BNIP2: variants seen among roughly 807,000 people sequenced by gnomAD.
BNIP2 encodes the protein BCL2 interacting protein 2, also known as BCL2/adenovirus E1B 19 kDa protein-interacting protein 2.
BNIP2 carries 36 observed loss-of-function variants against 43.4 expected under a neutral mutation model. The observed-to-expected ratio is 0.83, with a 90% CI of 0.64 to 1.10. The LOEUF (loss-of-function observed/expected upper bound fraction) is 1.10, where lower values mean the gene tolerates loss of function less well. Ranked by LOEUF, BNIP2 falls within the 50% of genes least tolerant of loss-of-function variation. BNIP2 has a pLI of 0.00. For missense variants in BNIP2, 417 were observed against 374.1 expected (o/e 1.11, Z -0.95); for synonymous variants, 146 against 121.0 (o/e 1.21, Z -1.35).
Position 59,668,882 on chromosome 15 carries a change from C to T in BNIP2, c.893+10G>A. On this transcript the variant is annotated intron_variant, in intron 9 of 9. Coordinates refer to ENST00000607373, the MANE Select transcript of BNIP2 (RefSeq NM_004330.4). The stretch of plus-strand genomic sequence containing the variant: ...ATCCAATACAATTAAGGAAATAAAA[C>T]AAAACATACTGTTTTATGCATTCTG... The T allele has an allele frequency of 6.2e-7, 1 of 1,602,004 alleles. No individual in the cohort carries two copies. The highest frequency in any genetic ancestry group is 2.2e-5 in the East Asian group (1 of 44,706).
At position 59,664,939 on chromosome 15, in the gene BNIP2, TA is replaced by T. The variant is rs1892478235; in HGVS notation, c.894-820del. On this transcript the variant is annotated intron_variant, in intron 9 of 9. Transcript: ENST00000607373. ...ATTGGTACACAGTTTGTGAATGCCT[TA>T]AATTTGTTTTGACAGTAAGAAGCCT... Among the ~76,000 whole-genome samples, 4 of 152,326 alleles carry T rather than the reference TA, an allele frequency of 2.6e-5. No individual in the cohort carries two copies. In the South Asian group the frequency reaches 8.3e-4, roughly 32 times the overall value.
intron 6 of BNIP2, among the ~76,000 whole-genome samples, chr15:59,671,596 T>G (rs944818808): frequency 2.0e-5 from 3 of 152,340 alleles, no homozygotes; most frequent in Non-Finnish European, 2.9e-5. Flanking sequence ...TTGAAGTGAC[T>G]GATACATGAA....
rs3087328 is a variant in BNIP2 at position 59,689,316 on chromosome 15, A to G, written c.-239T>C. ...GTCGGCGGCAGCAGCTGACCCGGAC[A>G]CAGTGAGAAGCCCCGGCGGAAGTGA... is the stretch of plus-strand genomic sequence containing the variant. On this transcript the variant is annotated 5_prime_UTR_variant, in exon 1 of 10. Coordinates refer to ENST00000607373, the MANE Select transcript of BNIP2 (RefSeq NM_004330.4). The G allele has an allele frequency of 0.42, 650,003 of 1,547,904 alleles. 138,283 individuals are homozygous for G. The highest frequency in any genetic ancestry group is 0.56 in the East Asian group (22,985 of 40,792).
chr15:59,672,821 T>C (rs1893020025), intron 5 of BNIP2, 82 bp from the exon 6 acceptor site: 1 of 953,376 alleles, frequency 1.0e-6, no homozygotes, highest in Non-Finnish European at 1.6e-6. Flanking sequence ...GATTAGTAAA[T>C]TATAAATAAG....
intron 6 of BNIP2, among the ~76,000 whole-genome samples, chr15:59,671,893 T>A (rs532589659): frequency 1.3e-5 from 2 of 152,110 alleles, no homozygotes; most frequent in Admixed American, 1.3e-4. Flanking sequence ...CCTGGCAACA[T>A]AGTGAGACTC....
In BNIP2 at chr15:59,676,752, G is replaced by C. The variant is rs1362290698; in HGVS notation, c.472+1159C>G. 10 of 1,415,126 alleles carry C rather than the reference G, an allele frequency of 7.1e-6. No homozygotes were observed. The Admixed American group carries it at 1.8e-4, about 25-fold the overall frequency. The allele number at this position is 1,415,126 out of a possible 1,614,324, so 87.7% of individuals were successfully genotyped here. A position where few individuals can be genotyped will look rare whatever the true frequency, so the allele number is the denominator to read the frequency against. ...GTGCGGTGCGGGCGGCAGAGTTGGG[G>C]TGTCATGGAGGATGAGCGGAGCTTT... On this transcript the variant is annotated intron_variant, in intron 5 of 9. Coordinates refer to ENST00000607373, the MANE Select transcript of BNIP2 (RefSeq NM_004330.4).
At chr15:59,688,643 T>C in intron 1 of BNIP2, 1 of 1,435,022 alleles carries the variant, frequency 7.0e-7, no homozygotes, top group East Asian at 2.5e-5. Context: ...ACACACTCTG[T>C]ATTTGGTTTA....
rs1009601690 is a variant in BNIP2 at position 59,660,663 on chromosome 15, G to A, written c.*3406C>T. On this transcript the variant is annotated 3_prime_UTR_variant, in exon 10 of 10. Transcript: ENST00000607373. ...TTACCTTTTTAAATTCTGGAATTAC[G>A]GTTAAAAAAATTCTAGCTACAGATA... 1.3e-5 allele frequency: 2 copies of A among 152,152 alleles called. No individual in the cohort carries two copies. Among genetic ancestry groups the A allele is most frequent in the Admixed American group, 6.5e-5 (1 of 15,278 alleles). 9.4% of individuals were successfully genotyped at this position (152,152 alleles called of 1,614,324 possible).
intron 5 of BNIP2, among the ~76,000 whole-genome samples, chr15:59,674,625 CAG>C (rs1893151644): frequency 1.3e-5 from 2 of 152,068 alleles, no homozygotes; most frequent in Non-Finnish European, 1.5e-5. Context: ...ATGCATCTGG[CAG>C]AGAGTAAATC....
intron 6 of BNIP2, among the ~76,000 whole-genome samples, 184 bp downstream of exon 6, chr15:59,672,453 G>A (rs1258136551): frequency 6.6e-6 from 1 of 152,100 alleles, no homozygotes; most frequent in African/African-American, 2.4e-5. Flanking sequence ...TTTTGATTTT[G>A]TAGAGAAAGA....
rs565852441 is a variant in BNIP2 at position 59,688,646 on chromosome 15, T to G, written c.-58+489A>C. Reference sequence around the variant, plus strand: ...GGCTTTTGACGTACACACTCTGTATTTGGTTTAGCGTACTAGGGAAGATCT... The same window carrying G: ...GGCTTTTGACGTACACACTCTGTATGTGGTTTAGCGTACTAGGGAAGATCT... On this transcript the variant is annotated intron_variant, in intron 1 of 9. Transcript: ENST00000607373. 3.2e-4 allele frequency: 467 copies of G among 1,455,166 alleles called. 6 individuals carry two copies. The South Asian group carries it at 5.3e-3, about 17-fold the overall frequency. 90.1% of individuals were successfully genotyped at this position (1,455,166 alleles called of 1,614,324 possible).
At chr15:59,674,677 C>A (rs1423583184) in intron 5 of BNIP2, among the ~76,000 whole-genome samples, 2 of 152,002 alleles carry the variant, frequency 1.3e-5, no homozygotes, top group Non-Finnish European at 2.9e-5. Context: ...TCTGCTTGAC[C>A]CATATGCCCT....
chr15:59,679,734 C>A lies in BNIP2; in HGVS notation c.153G>T (p.Lys51Asn). 6.4e-7 allele frequency: 1 copy of A among 1,562,584 alleles called. No individual in the cohort carries two copies. The highest frequency in any genetic ancestry group is 8.6e-7 in the Non-Finnish European group (1 of 1,161,600). ...SLEVNGNKVR[K>N]KLMAPDISLT... ...GGCTAATGTCTGGAGCCATTAGTTT[C>A]TTTCTCACTTTATTTCCATTAACTT... Residue 51 changes from lysine to asparagine, a missense_variant, in exon 4 of 10, where the codon AAG (lysine) becomes AAT (asparagine). Coordinates refer to ENST00000607373, the MANE Select transcript of BNIP2 (RefSeq NM_004330.4).
Position 59,682,330 on chromosome 15 carries a change from A to G in BNIP2, c.50+78T>C, listed in dbSNP as rs1206163991. 1.5e-5 allele frequency: 21 copies of G among 1,385,318 alleles called. No individual in the cohort carries two copies. In the African/African-American group the frequency reaches 2.6e-4, roughly 17 times the overall value. 85.8% of individuals were successfully genotyped at this position (1,385,318 alleles called of 1,614,324 possible). A position where few individuals can be genotyped will look rare whatever the true frequency, so the allele number is the denominator to read the frequency against. On this transcript the variant is annotated intron_variant, in intron 2 of 9. Coordinates refer to ENST00000607373, the MANE Select transcript of BNIP2 (RefSeq NM_004330.4). Reference sequence around the variant, plus strand: ...CAACAGAGCAAGACTCCGTCTCAAAAAAAAAAAAAGTAACATCTCGATAAA... The same window carrying G: ...CAACAGAGCAAGACTCCGTCTCAAAGAAAAAAAAAGTAACATCTCGATAAA...
chr15:59,674,436 T>C (rs1893139971), intron 5 of BNIP2, among the ~76,000 whole-genome samples: 1 of 152,198 alleles, frequency 6.6e-6, no homozygotes, highest in Non-Finnish European at 1.5e-5. Context: ...AAGCCATAAA[T>C]CAGGTCTTAT....
intron 9 of BNIP2, among the ~76,000 whole-genome samples, chr15:59,666,887 T>C (rs1390978738): frequency 6.6e-6 from 1 of 151,988 alleles, no homozygotes; most frequent in Admixed American, 6.6e-5. Context: ...AAATAAAAAG[T>C]ACAAATTCCA....
intron 5 of BNIP2, among the ~76,000 whole-genome samples, chr15:59,674,092 A>C (rs1345273221): frequency 1.3e-5 from 2 of 149,602 alleles, no homozygotes; most frequent in African/African-American, 5.0e-5. Context: ...TTGGGTCTCA[A>C]AAAAAAAACA....
chr15:59,687,675 C>T (rs186364840), intron 1 of BNIP2, among the ~76,000 whole-genome samples: 2 of 152,224 alleles, frequency 1.3e-5, no homozygotes, highest in East Asian at 3.9e-4. Context: ...CGGTAACTTA[C>T]TAGATCTGGT....
intron 4 of BNIP2, chr15:59,678,775 C>T (rs1181123865): frequency 7.7e-7 from 1 of 1,301,868 alleles, no homozygotes; most frequent in Non-Finnish European, 1.0e-6. Flanking sequence ...GGGAAACCTA[C>T]TGCATGTTAG....
Sources: gnomAD v4.1 joint callset for allele counts (sites outside exome capture counted in the v4.1 genomes callset) on GRCh38, gnomAD v4.1.1 for gene constraint, MANE v1.5 for transcripts, NCBI Gene and HGNC (gene_info 2026-07-23, HGNC 2026-07-21) for gene names.